RUNX1: variants seen among roughly 807,000 people sequenced by gnomAD.
RUNX1 encodes the protein runt-related transcription factor 1.
RUNX1 carries 19 observed loss-of-function variants against 42.8 expected under a neutral mutation model. The observed-to-expected ratio is 0.44, with a 90% CI of 0.31 to 0.65. The LOEUF is 0.65. RUNX1 is among the 30% of genes least tolerant of loss of function. RUNX1 has a pLI of 0.07. For missense variants in RUNX1, 528 were observed against 672.0 expected, an observed-to-expected ratio of 0.79 and a Z score of 2.37; for synonymous variants, 271 against 289.4, an observed-to-expected ratio of 0.94 and a Z score of 0.64.
intron 4 of RUNX1, among the ~76,000 whole-genome samples, chr21:34,885,591 C>A (rs1393717218): frequency 6.6e-6 from 1 of 152,218 alleles, no homozygotes; most frequent in Non-Finnish European, 1.5e-5. Context: ...AAATCACAAT[C>A]TAAGTGTGGA....
chr21:34,798,960 A>G (rs2056569426), intron 8 of RUNX1, among the ~76,000 whole-genome samples: 1 of 152,186 alleles, frequency 6.6e-6, no homozygotes, highest in Non-Finnish European at 1.5e-5. Context: ...CAGTCCCATT[A>G]GTCCAGAATT....
chr21:34,986,311 A>G (rs149946378), intron 2 of RUNX1, among the ~76,000 whole-genome samples: 23 of 152,010 alleles, frequency 1.5e-4, no homozygotes, highest in African/African-American at 5.3e-4. Flanking sequence ...TGTTTCCTCA[A>G]ACCTGAAAGT....
At chr21:34,956,880 T>C (rs2058648171) in intron 2 of RUNX1, among the ~76,000 whole-genome samples, 1 of 152,206 alleles carries the variant, frequency 6.6e-6, no homozygotes, top group Non-Finnish European at 1.5e-5. Context: ...ATTTGTGAGG[T>C]AAACTAACTC....
chr21:34,793,966 A>G (rs1020539347), intron 8 of RUNX1, among the ~76,000 whole-genome samples: 26 of 152,102 alleles, frequency 1.7e-4, no homozygotes, highest in African/African-American at 6.0e-4. Flanking sequence ...AGCCTCCCAA[A>G]GTGCTGGGAT....
intron 2 of RUNX1, among the ~76,000 whole-genome samples, chr21:35,040,113 T>C (rs2059346595): frequency 6.6e-6 from 1 of 152,236 alleles, no homozygotes; most frequent in Non-Finnish European, 1.5e-5. Context: ...TTATGAATTC[T>C]ATACTTTCAA....
At chr21:34,893,447 C>T (rs1302982025) in intron 2 of RUNX1, among the ~76,000 whole-genome samples, 1 of 152,218 alleles carries the variant, frequency 6.6e-6, no homozygotes, top group East Asian at 1.9e-4. Context: ...TTATTTACAT[C>T]GAAACCTCTC....
intron 8 of RUNX1, among the ~76,000 whole-genome samples, chr21:34,795,781 T>G (rs1333492489): frequency 2.0e-5 from 3 of 152,274 alleles, no homozygotes; most frequent in Non-Finnish European, 4.4e-5. Flanking sequence ...CTGTGACATG[T>G]TTGAGAGTTA....
chr21:35,038,572 CCTCTCTCTCTCTCTCTCTCTCTCTCT>C (rs59976658), intron 2 of RUNX1: 1 of 243,248 alleles, frequency 4.1e-6, no homozygotes, highest in Non-Finnish European at 8.0e-6. Flanking sequence ...TGAATGCTGG[CCTCTCTCTCTCTCTCTCTCTCTCTCT>C]CTCTCTCTCT....
chr21:35,037,259 T>C (rs1456318236), intron 2 of RUNX1, among the ~76,000 whole-genome samples: 1 of 152,206 alleles, frequency 6.6e-6, no homozygotes, highest in Non-Finnish European at 1.5e-5. Context: ...CACCATCGTC[T>C]TGGGAACAAG....
intron 5 of RUNX1, among the ~76,000 whole-genome samples, chr21:34,865,265 G>A (rs2057641003): frequency 6.7e-6 from 1 of 149,200 alleles, no homozygotes; most frequent in Non-Finnish European, 1.5e-5. Context: ...TCTGACATGA[G>A]GAGGGGTTTT....
intron 2 of RUNX1, among the ~76,000 whole-genome samples, chr21:35,023,086 GTGTA>G (rs1569154843): frequency 1.3e-5 from 2 of 151,810 alleles, no homozygotes; most frequent in African/African-American, 4.8e-5. Context: ...AGGACTACAG[GTGTA>G]TGCCACCATT....
chr21:34,855,140 G>A (rs183264832), intron 6 of RUNX1, among the ~76,000 whole-genome samples: 2 of 152,054 alleles, frequency 1.3e-5, no homozygotes, highest in African/African-American at 4.8e-5. Context: ...TGACCAGACA[G>A]GTAAAGGCTG....
intron 7 of RUNX1, among the ~76,000 whole-genome samples, chr21:34,801,601 A>G (rs547901347): frequency 6.6e-6 from 1 of 152,316 alleles, no homozygotes; most frequent in South Asian, 2.1e-4. Context: ...CTGGAGGGGA[A>G]GATGGCAGTC....
At chr21:34,918,347 T>C (rs1161966120) in intron 2 of RUNX1, among the ~76,000 whole-genome samples, 12 of 152,030 alleles carry the variant, frequency 7.9e-5, no homozygotes, top group Admixed American at 7.9e-4. Context: ...TGTCCCCTGG[T>C]CTGAGTTGAA....
intron 2 of RUNX1, among the ~76,000 whole-genome samples, chr21:35,018,559 T>C (rs779458247): frequency 1.3e-4 from 20 of 152,216 alleles, no homozygotes; most frequent in Admixed American, 3.3e-4. Flanking sequence ...TAAGAAATCT[T>C]TCCTCTGTAG....
intron 7 of RUNX1, among the ~76,000 whole-genome samples, chr21:34,824,532 A>G (rs2056960675): frequency 6.6e-6 from 1 of 152,206 alleles, no homozygotes; most frequent in Non-Finnish European, 1.5e-5. Context: ...TGCAATCGGT[A>G]TCTTTAATCT....
At chr21:34,918,212 C>T (rs369100462) in intron 2 of RUNX1, among the ~76,000 whole-genome samples, 357 of 151,522 alleles carry the variant, frequency 2.4e-3, no homozygotes, top group African/African-American at 8.2e-3. Context: ...TGATAAATCG[C>T]TATGCAATAA....
intron 2 of RUNX1, among the ~76,000 whole-genome samples, chr21:34,926,296 G>A (rs2058392652): frequency 6.6e-6 from 1 of 151,220 alleles, no homozygotes; most frequent in Non-Finnish European, 1.5e-5. Flanking sequence ...GCAACATAGT[G>A]GGACCCCATC....
intron 2 of RUNX1, among the ~76,000 whole-genome samples, chr21:35,029,853 G>A (rs899671516): frequency 7.9e-5 from 12 of 152,142 alleles, no homozygotes; most frequent in African/African-American, 2.2e-4. Flanking sequence ...GTAATAGTAC[G>A]AGGTTGGATT....
Sources: allele counts gnomAD v4.1 joint callset (sites outside exome capture counted in the v4.1 genomes callset), GRCh38; gene constraint gnomAD v4.1.1; transcripts MANE v1.5; gene names NCBI Gene and HGNC (gene_info 2026-07-23, HGNC 2026-07-21).